Variants in GLIS3 observed in about 807,000 individuals in gnomAD.
GLIS3 encodes the protein zinc finger protein GLIS3.
GLIS3 carries 53 observed loss-of-function variants against 78.6 expected under a neutral mutation model. The observed-to-expected ratio is 0.67, with a 90% CI of 0.54 to 0.85. The LOEUF is 0.85. Among genes scored for constraint, GLIS3 ranks in the 40% least tolerant of loss-of-function variants. The pLI is 0.00. For missense variants in GLIS3, 1,703 were observed against 1,231.1 expected, an observed-to-expected ratio of 1.38 and a Z score of -5.74; for synonymous variants, 684 against 509.9, an observed-to-expected ratio of 1.34 and a Z score of -4.60.
chr9:4,117,780 G>C lies in GLIS3; in HGVS notation c.1698C>G (p.Pro566=). The C allele has an allele frequency of 1.2e-6, 2 of 1,614,120 alleles. No homozygotes were observed. Among genetic ancestry groups the C allele is most frequent in the Non-Finnish European group, 1.7e-6 (2 of 1,180,030 alleles). ...IHMRVHSGEK[P]NKCTFEGCEK... ...TTCGGAAACTCACCGTACACTTGTT[G>C]GGCTTCTCCCCAGAGTGGACTCTCA... The change falls in exon 4 of 11, where the codon CCC becomes CCG. Residue 566 remains proline (P), a synonymous_variant. Transcript: ENST00000381971.
intron 2 of GLIS3, among the ~76,000 whole-genome samples, chr9:4,205,195 G>T (rs1451440630): frequency 7.2e-6 from 1 of 138,002 alleles, no homozygotes; most frequent in Admixed American, 7.3e-5. Context: ...AAAAAAAAAG[G>T]AATCAGTTAT....
the GLIS3 span, among the ~76,000 whole-genome samples, chr9:4,437,416 G>GTATA: frequency 0.15 from 15,960 of 107,140 alleles, 977 homozygotes; most frequent in South Asian, 0.25. Flanking sequence ...ATGTATGTAT[G>GTATA]TATGTATCTA....
intron 6 of GLIS3, among the ~76,000 whole-genome samples, chr9:3,914,689 A>C (rs1824383264): frequency 6.6e-6 from 1 of 152,148 alleles, no homozygotes; most frequent in African/African-American, 2.4e-5. Flanking sequence ...TCAAGTGTAA[A>C]TTTGGTAAGT....
chr9:3,996,474 G>C (rs974253280), intron 4 of GLIS3, among the ~76,000 whole-genome samples: 6 of 152,170 alleles, frequency 3.9e-5, no homozygotes, highest in Admixed American at 6.5e-5. Context: ...TGGGATAAAG[G>C]TAAAGATACT....
chr9:3,899,923 G>C (rs920290565), intron 6 of GLIS3, among the ~76,000 whole-genome samples: 1 of 152,168 alleles, frequency 6.6e-6, no homozygotes, highest in Non-Finnish European at 1.5e-5. Flanking sequence ...TAGGAATAAG[G>C]GGTGGCAGCT....
At chr9:3,954,187 C>G (rs1322457608) in intron 4 of GLIS3, among the ~76,000 whole-genome samples, 1 of 152,124 alleles carries the variant, frequency 6.6e-6, no homozygotes, top group Non-Finnish European at 1.5e-5. Flanking sequence ...ATTAAGGGTG[C>G]TAAAAATTAC....
intron 4 of GLIS3, among the ~76,000 whole-genome samples, chr9:4,051,140 A>G (rs1825721050): frequency 6.6e-6 from 1 of 152,328 alleles, no homozygotes; most frequent in Non-Finnish European, 1.5e-5. Flanking sequence ...CTGGGTCAAA[A>G]TGGAAGCAGA....
At chr9:4,204,967 C>A (rs963168121) in intron 2 of GLIS3, among the ~76,000 whole-genome samples, 3 of 151,586 alleles carry the variant, frequency 2.0e-5, no homozygotes, top group African/African-American at 7.3e-5. Context: ...CACCTCAGGT[C>A]AAGAGTTTCA....
chr9:4,184,510 G>A (rs886508873), intron 2 of GLIS3, among the ~76,000 whole-genome samples: 5 of 152,154 alleles, frequency 3.3e-5, no homozygotes, highest in Non-Finnish European at 4.4e-5. Context: ...ACTGAGGAGC[G>A]CCTAGTCCTC....
intron 4 of GLIS3, among the ~76,000 whole-genome samples, chr9:4,079,265 T>C (rs1382836245): frequency 6.6e-6 from 1 of 152,168 alleles, no homozygotes; most frequent in Non-Finnish European, 1.5e-5. Context: ...GTGAAAGGTA[T>C]TAGAATTATT....
At chr9:4,364,908 C>A in the GLIS3 span, among the ~76,000 whole-genome samples, 1 of 151,944 alleles carries the variant, frequency 6.6e-6, no homozygotes, top group African/African-American at 2.4e-5. Flanking sequence ...CTCAGCCTCC[C>A]AAGTAGCCAG....
At chr9:4,165,480 TG>T (rs943544328) in intron 2 of GLIS3, among the ~76,000 whole-genome samples, 11 of 152,094 alleles carry the variant, frequency 7.2e-5, no homozygotes, top group African/African-American at 1.4e-4. Context: ...TTCTTTTCCA[TG>T]GGGGGAAAAA....
chr9:4,261,744 C>T (rs117421312), intron 2 of GLIS3, among the ~76,000 whole-genome samples: 2,261 of 152,252 alleles, frequency 0.015, 37 homozygotes, highest in Non-Finnish European at 0.022. Flanking sequence ...AACGCAATTC[C>T]CATTTCAGAG....
At chr9:4,224,770 G>A (rs1356706006) in intron 2 of GLIS3, among the ~76,000 whole-genome samples, 1 of 145,898 alleles carries the variant, frequency 6.9e-6, no homozygotes, top group Non-Finnish European at 1.5e-5. Context: ...AACTGTTTTT[G>A]GAACAAAGGA....
chr9:4,274,592 G>A (rs569075138), intron 2 of GLIS3, among the ~76,000 whole-genome samples: 1 of 152,218 alleles, frequency 6.6e-6, no homozygotes, highest in South Asian at 2.1e-4. Flanking sequence ...GCAGGGGATG[G>A]GACCACACAT....
At chr9:3,903,992 A>T (rs1823495225) in intron 6 of GLIS3, among the ~76,000 whole-genome samples, 1 of 152,170 alleles carries the variant, frequency 6.6e-6, no homozygotes, top group Non-Finnish European at 1.5e-5. Flanking sequence ...TGCATTCCCC[A>T]ATAAGTCTCT....
chr9:3,983,224 C>G (rs1819448818), intron 4 of GLIS3, among the ~76,000 whole-genome samples: 1 of 152,182 alleles, frequency 6.6e-6, no homozygotes, highest in Non-Finnish European at 1.5e-5. Context: ...TGCAAAAGCT[C>G]TCTCTTCACT....
At chr9:4,432,011 A>T in the GLIS3 span, among the ~76,000 whole-genome samples, 348 of 152,280 alleles carry the variant, frequency 2.3e-3, no homozygotes, top group African/African-American at 8.2e-3. Flanking sequence ...TTACAAAATC[A>T]GGCAGCAGGA....
intron 3 of GLIS3, among the ~76,000 whole-genome samples, chr9:4,122,180 G>A (rs1264273577): frequency 6.6e-6 from 1 of 152,210 alleles, no homozygotes; most frequent in Non-Finnish European, 1.5e-5. Flanking sequence ...GAGCATGAGA[G>A]GCATGATGAC....
Sources: gnomAD v4.1 joint callset for allele counts (sites outside exome capture counted in the v4.1 genomes callset) on GRCh38, gnomAD v4.1.1 for gene constraint, MANE v1.5 for transcripts, NCBI Gene and HGNC (gene_info 2026-07-23, HGNC 2026-07-21) for gene names.